The following LGALS4 variants were observed in gnomAD, a reference collection of about 807,000 sequenced individuals.
LGALS4 encodes the protein galectin 4, also known as galectin-4.
LGALS4 carries 37 observed loss-of-function variants against 39.6 expected under a neutral mutation model. The observed-to-expected ratio is 0.93, with a 90% CI of 0.72 to 1.23. LGALS4 has a LOEUF of 1.23. Among genes scored for constraint, LGALS4 ranks in the 50% most tolerant of loss-of-function variants. The pLI is 0.00. For missense variants in LGALS4, 397 were observed against 433.2 expected, an observed-to-expected ratio of 0.92 and a Z score of 0.74; for synonymous variants, 160 against 165.5, an observed-to-expected ratio of 0.97 and a Z score of 0.25.
In LGALS4 at chr19:38,804,015, G is replaced by A. The variant is rs532128106; in HGVS notation, c.475-120C>T. 1.1e-5 allele frequency: 13 copies of A among 1,146,550 alleles called. No individual in the cohort carries two copies. In the South Asian group the frequency reaches 1.8e-4, roughly 16 times the overall value. The allele number at this position is 1,146,550 out of a possible 1,614,324, so 71.0% of individuals were successfully genotyped here. On this transcript the variant is annotated intron_variant, in intron 4 of 9. Transcript: ENST00000307751. ...ACCACCACTATGCCAGAGAACTCTG[G>A]CATCAAAGGGTGGCACCCCGATCAC...
intron 2 of LGALS4, 89 bp downstream of exon 2, chr19:38,812,342 G>T: frequency 9.0e-7 from 1 of 1,106,732 alleles, no homozygotes; most frequent in Non-Finnish European, 1.4e-6. Context: ...ACCAGGGTGG[G>T]GTAAGGGCAG....
intron 2 of LGALS4, among the ~76,000 whole-genome samples, chr19:38,809,218 G>A (rs1276865866): frequency 8.5e-6 from 1 of 118,178 alleles, no homozygotes; most frequent in Admixed American, 1.2e-4. Flanking sequence ...TTGCTCTGTT[G>A]CCCAGGCTGG....
chr19:38,808,220 GAAAT>G (rs1169169577), intron 3 of LGALS4, among the ~76,000 whole-genome samples: 3 of 151,494 alleles, frequency 2.0e-5, no homozygotes, highest in Non-Finnish European at 2.9e-5. Flanking sequence ...ATGGAAAAAG[GAAAT>G]AAATGAAGGA....
intron 7 of LGALS4, 38 bp from the exon 8 acceptor site, chr19:38,802,442 C>G (rs770501629): frequency 6.7e-7 from 1 of 1,488,122 alleles, no homozygotes; most frequent in Admixed American, 1.7e-5. Flanking sequence ...TCTCTCTCAG[C>G]TTAGCAGAGC....
chr19:38,810,391 C>G (rs1476487771), intron 2 of LGALS4, among the ~76,000 whole-genome samples: 1 of 107,070 alleles, frequency 9.3e-6, no homozygotes, highest in South Asian at 3.2e-4. Context: ...GAGATGGAGT[C>G]TCGCTCTTTC....
intron 3 of LGALS4, among the ~76,000 whole-genome samples, chr19:38,807,987 G>A (rs1052363956): frequency 1.6e-4 from 24 of 152,202 alleles, no homozygotes; most frequent in East Asian, 3.9e-4. Context: ...ACTGTGGAAG[G>A]CCGCAGGGCC....
At chr19:38,809,173 CTTTTTTTTTTTT>C (rs34677297) in intron 2 of LGALS4, among the ~76,000 whole-genome samples, 37 of 104,924 alleles carry the variant, frequency 3.5e-4, no homozygotes, top group Non-Finnish European at 5.4e-4. Flanking sequence ...GCCTTTCCTT[CTTTTTTTTTTTT>C]TTTTTTTTTT....
In LGALS4 at chr19:38,809,336, C is replaced by T. The variant is rs530429266; in HGVS notation, c.135-388G>A. Among the ~76,000 whole-genome samples the T allele has an allele frequency of 5.3e-5, 8 of 150,722 alleles. No homozygotes were observed. In the South Asian group the frequency reaches 6.3e-4, roughly 12 times the overall value. ...CTGGGATTACAGGCGTGCACCACCA[C>T]GTCCGGCTAATTTTTGTATTTTTAG... On this transcript the variant is annotated intron_variant, in intron 2 of 9. Transcript: ENST00000307751.
Position 38,812,340 on chromosome 19 carries a change from G to A in LGALS4, c.134+91C>T, listed in dbSNP as rs546782523. On this transcript the variant is annotated intron_variant, in intron 2 of 9. Coordinates refer to ENST00000307751, the MANE Select transcript of LGALS4 (RefSeq NM_006149.4). Reference sequence around the variant, plus strand: ...AAAAGAGTCCCCTCTCCACCAGGGTGGGGTAAGGGCAGAAAGCCCCCAACA... The same window carrying A: ...AAAAGAGTCCCCTCTCCACCAGGGTAGGGTAAGGGCAGAAAGCCCCCAACA... The A allele has an allele frequency of 1.4e-4, 150 of 1,056,654 alleles. 1 individual carries two copies. In the African/African-American group the frequency reaches 2.2e-3, roughly 16 times the overall value. 65.5% of individuals were successfully genotyped at this position (1,056,654 alleles called of 1,614,324 possible). A position where few individuals can be genotyped will look rare whatever the true frequency, so the allele number is the denominator to read the frequency against.
Position 38,808,759 on chromosome 19 carries a change from C to A in LGALS4, c.324G>T (p.Leu108=). 1 of 1,614,126 alleles carries A rather than the reference C, an allele frequency of 6.2e-7. No individual in the cohort carries two copies. Among genetic ancestry groups the A allele is most frequent in the Non-Finnish European group, 8.5e-7 (1 of 1,179,996 alleles). The part of the protein sequence containing the change: ...GAAFELVFIV[L]AEHYKVVVNG... Reference sequence around the variant, plus strand: ...GCATGCAGACCTTGTAGTGCTCAGCCAGGACTATGAAGACCAGCTCAAAGG... The same window carrying A: ...GCATGCAGACCTTGTAGTGCTCAGCAAGGACTATGAAGACCAGCTCAAAGG... The change falls in exon 3 of 10, where the codon CTG becomes CTT. Residue 108 remains leucine, a synonymous_variant. Coordinates refer to ENST00000307751, the MANE Select transcript of LGALS4 (RefSeq NM_006149.4).
Position 38,812,601 on chromosome 19 carries a change from C to T in LGALS4, c.46-82G>A, listed in dbSNP as rs1167743257. On this transcript the variant is annotated intron_variant, in intron 1 of 9. Coordinates refer to ENST00000307751, the MANE Select transcript of LGALS4 (RefSeq NM_006149.4). The stretch of plus-strand genomic sequence containing the variant: ...CCCCTCCCAGAAAAGCCCCCCAGTC[C>T]CTTAAGCAGGAGAGAGGAAACCATG... 4 of 1,328,796 alleles carry T rather than the reference C, an allele frequency of 3.0e-6. No individual in the cohort carries two copies. The East Asian group carries it at 9.2e-5, about 31-fold the overall frequency. The allele number at this position is 1,328,796 out of a possible 1,614,324, so 82.3% of individuals were successfully genotyped here.
chr19:38,801,756 G>A lies in LGALS4; in HGVS notation c.*8C>T. On this transcript the variant is annotated 3_prime_UTR_variant, in exon 10 of 10. Coordinates refer to ENST00000307751, the MANE Select transcript of LGALS4 (RefSeq NM_006149.4). The stretch of plus-strand genomic sequence containing the variant: ...TGTTTTCCCATGAGTTATGGCCCCA[G>A]GAATAGATTAGATCTGGACATAGGA... 1 of 1,613,988 alleles carries A rather than the reference G, an allele frequency of 6.2e-7. No individual in the cohort carries two copies. The highest frequency in any genetic ancestry group is 8.5e-7 in the Non-Finnish European group (1 of 1,179,936).
chr19:38,804,281 TTTTA>T (rs900298286), intron 4 of LGALS4, among the ~76,000 whole-genome samples: 4 of 152,152 alleles, frequency 2.6e-5, no homozygotes, highest in Non-Finnish European at 4.4e-5. Context: ...TGCCAAACAC[TTTTA>T]TTTATTTATT....
At chr19:38,806,664 G>A in intron 3 of LGALS4, 69 bp from the exon 4 acceptor site, 2 of 1,561,694 alleles carry the variant, frequency 1.3e-6, no homozygotes, top group South Asian at 1.1e-5. Context: ...CAGGAAGCAA[G>A]GGCAGGGCAC....
rs1971505452 is a variant in LGALS4 at position 38,812,472 on chromosome 19, C to G, written c.93G>C (p.Met31Ile). 1 of 1,614,086 alleles carries G rather than the reference C, an allele frequency of 6.2e-7. No individual in the cohort carries two copies. Among genetic ancestry groups the G allele is most frequent in the African/African-American group, 1.3e-5 (1 of 74,942 alleles). The change falls in exon 2 of 10, where the codon ATG becomes ATC. Residue 31 changes from methionine to isoleucine, a missense_variant. Coordinates refer to ENST00000307751, the MANE Select transcript of LGALS4 (RefSeq NM_006149.4). Reference protein sequence around the residue: ...QPIPGGLNVGMSVYIQGVASE... With the variant: ...QPIPGGLNVGISVYIQGVASE... The stretch of plus-strand genomic sequence containing the variant: ...TGGCCACTCCTTGGATGTAAACAGA[C>G]ATTCCCACGTTGAGCCCGCCCGGGA...
At position 38,808,849 on chromosome 19, in the gene LGALS4, C is replaced by T. The variant is rs201783709; in HGVS notation, c.234G>A (p.Thr78=). The change falls in exon 3 of 10, where the codon ACG becomes ACA. Residue 78 remains threonine (T), a synonymous_variant. Transcript: ENST00000307751. The part of the protein sequence containing the change: ...FDGWDKVVFN[T]LQGGKWGSEE... ...CGCTGCCCCACTTCCCGCCCTGCAACGTGTTGAAGACCACCTTGTCCCAGC... is the reference window on the plus strand; with the variant it reads ...CGCTGCCCCACTTCCCGCCCTGCAATGTGTTGAAGACCACCTTGTCCCAGC... The T allele has an allele frequency of 7.2e-5, 116 of 1,614,124 alleles. No individual in the cohort carries two copies. The East Asian group carries it at 1.7e-3, about 24-fold the overall frequency.
rs1469063442 is a variant in LGALS4, at chr19:38,812,448, G to A, written c.117C>T (p.Ala39=). Residue 39 remains alanine, a synonymous_variant, in exon 2 of 10, where the codon GCC becomes GCT. Coordinates refer to ENST00000307751, the MANE Select transcript of LGALS4 (RefSeq NM_006149.4). ...GGTCTTACCGCTTCATGTGCTCGCTGGCCACTCCTTGGATGTAAACAGACA... is the reference window on the plus strand; with the variant it reads ...GGTCTTACCGCTTCATGTGCTCGCTAGCCACTCCTTGGATGTAAACAGACA... ...VGMSVYIQGV[A]SEHMKRFFVN... is the part of the protein sequence containing the mutation. 3 of 1,614,052 alleles carry A rather than the reference G, an allele frequency of 1.9e-6. No individual in the cohort carries two copies. The highest frequency in any genetic ancestry group is 2.2e-5 in the South Asian group (2 of 91,062).
rs536483174 is a variant in LGALS4, at chr19:38,803,115, A to G, written c.570+407T>C. On this transcript the variant is annotated intron_variant, in intron 7 of 9. Coordinates refer to ENST00000307751, the MANE Select transcript of LGALS4 (RefSeq NM_006149.4). ...CTGCAACCTCCGACTCCCTGGTTCA[A>G]GCGATTCTCCTGCCTCAGCTTCCTG... The G allele has an allele frequency of 2.1e-5, 4 of 186,364 alleles. No individual in the cohort carries two copies. In the South Asian group the frequency reaches 4.6e-4, roughly 21 times the overall value. The allele number at this position is 186,364 out of a possible 1,614,324, so 11.5% of individuals were successfully genotyped here.
rs767955963 is a variant in LGALS4, at chr19:38,803,560, T to G, written c.541-9A>C. 1 of 1,613,874 alleles carries G rather than the reference T, an allele frequency of 6.2e-7. No homozygotes were observed. Among genetic ancestry groups the G allele is most frequent in the Non-Finnish European group, 8.5e-7 (1 of 1,179,818 alleles). ...GGGGGTCCTTCCATGGTCTGTGAAG[T>G]GAGGAAGAAGCGATATTATTCTCCA... On this transcript the variant is annotated splice_polypyrimidine_tract_variant and intron_variant, in intron 6 of 9. Transcript: ENST00000307751.
Sources: allele counts gnomAD v4.1 joint callset (sites outside exome capture counted in the v4.1 genomes callset), GRCh38; gene constraint gnomAD v4.1.1; transcripts MANE v1.5; gene names NCBI Gene and HGNC (gene_info 2026-07-23, HGNC 2026-07-21).